Variants in APBA2 observed in about 807,000 individuals in gnomAD.
APBA2 encodes the protein amyloid-beta A4 precursor protein-binding family A member 2.
APBA2 carries 30 observed loss-of-function variants against 75.0 expected under a neutral mutation model. The ratio of observed to expected loss-of-function variants is 0.40; its 90% CI spans 0.30 to 0.54. The LOEUF is 0.54. APBA2 is among the 20% of genes least tolerant of loss of function. APBA2 has a pLI of 0.49. For missense variants in APBA2, 801 were observed against 1,016.1 expected (o/e 0.79, Z 2.88); for synonymous variants, 444 against 409.6 (o/e 1.08, Z -1.01).
chr15:28,947,446 A>G (rs1461060269), intron 2 of APBA2, among the ~76,000 whole-genome samples: 1 of 152,210 alleles, frequency 6.6e-6, no homozygotes, highest in Non-Finnish European at 1.5e-5. Context: ...CAGAGCCATC[A>G]GGGAGCCATC....
chr15:28,907,568 G>A (rs2033191928), intron 1 of APBA2, among the ~76,000 whole-genome samples: 2 of 152,250 alleles, frequency 1.3e-5, no homozygotes, highest in African/African-American at 2.4e-5. Context: ...GAAGGAATCA[G>A]GCGGGAGCCC....
intron 3 of APBA2, among the ~76,000 whole-genome samples, chr15:28,998,597 C>T (rs917562854): frequency 1.3e-5 from 2 of 152,070 alleles, no homozygotes; most frequent in Non-Finnish European, 2.9e-5. Context: ...GACCCCCAAG[C>T]AGTGAGGTTC....
chr15:28,939,646 C>T (rs140725053), intron 2 of APBA2, among the ~76,000 whole-genome samples: 1 of 152,324 alleles, frequency 6.6e-6, no homozygotes, highest in East Asian at 1.9e-4. Flanking sequence ...AGACGTCTTT[C>T]AGAGGAATGT....
chr15:28,932,475 C>T (rs1403756313), intron 2 of APBA2, among the ~76,000 whole-genome samples: 2 of 152,216 alleles, frequency 1.3e-5, no homozygotes, highest in Non-Finnish European at 2.9e-5. Context: ...GTCTCAGAGA[C>T]ACCCATGGGC....
At chr15:29,052,257 C>T (rs1022893003) in intron 3 of APBA2, among the ~76,000 whole-genome samples, 1 of 151,912 alleles carries the variant, frequency 6.6e-6, no homozygotes, top group Non-Finnish European at 1.5e-5. Context: ...AGATCGTGAC[C>T]ATCCTAGCTA....
chr15:28,969,894 G>A (rs1191463481), intron 2 of APBA2, among the ~76,000 whole-genome samples: 4 of 152,236 alleles, frequency 2.6e-5, no homozygotes, highest in African/African-American at 7.2e-5. Context: ...GCCTGCCAAG[G>A]CACTGCCAGC....
At chr15:28,909,427 G>A (rs1405952964) in intron 1 of APBA2, among the ~76,000 whole-genome samples, 2 of 152,196 alleles carry the variant, frequency 1.3e-5, no homozygotes, top group Non-Finnish European at 2.9e-5. Flanking sequence ...CTGTGTTGTA[G>A]CATGCGTCAG....
intron 1 of APBA2, among the ~76,000 whole-genome samples, chr15:28,894,717 A>G (rs997724886): frequency 6.6e-6 from 1 of 152,202 alleles, no homozygotes; most frequent in Non-Finnish European, 1.5e-5. Flanking sequence ...ATAACAACGC[A>G]TAGTTTACCA....
intron 1 of APBA2, among the ~76,000 whole-genome samples, chr15:28,887,852 A>G (rs1194138670): frequency 6.6e-6 from 1 of 152,122 alleles, no homozygotes; most frequent in African/African-American, 2.4e-5. Context: ...GGGTGATGGC[A>G]TTAGCGATGG....
At chr15:28,958,792 G>A (rs537265792) in intron 2 of APBA2, among the ~76,000 whole-genome samples, 5 of 150,434 alleles carry the variant, frequency 3.3e-5, no homozygotes, top group South Asian at 4.2e-4. Context: ...CAGGAGGGTC[G>A]TTGTTTTTAA....
intron 14 of APBA2, among the ~76,000 whole-genome samples, chr15:29,116,673 GCTC>G (rs1240658127): frequency 1.3e-5 from 2 of 151,188 alleles, no homozygotes; most frequent in African/African-American, 2.4e-5. Flanking sequence ...CCCCCATTGA[GCTC>G]CTCCTCAGTG....
At chr15:29,106,917 C>T in intron 12 of APBA2, 98 bp downstream of exon 12, 1 of 1,194,960 alleles carries the variant, frequency 8.4e-7, no homozygotes, top group Non-Finnish European at 1.2e-6. Flanking sequence ...ATCCCCACTT[C>T]ACCCATGGGG....
At chr15:28,988,268 CTTT>C (rs1450368077) in intron 2 of APBA2, among the ~76,000 whole-genome samples, 1 of 140,174 alleles carries the variant, frequency 7.1e-6, no homozygotes, top group Non-Finnish European at 1.6e-5. Context: ...TGTAGTGTGC[CTTT>C]TTTTTTTTTT....
chr15:28,978,161 C>T (rs771040994), intron 2 of APBA2, among the ~76,000 whole-genome samples: 1 of 152,236 alleles, frequency 6.6e-6, no homozygotes, highest in Non-Finnish European at 1.5e-5. Context: ...AAGATGAGGG[C>T]CCTGTCCCTC....
chr15:29,104,026 G>A (rs1414254474), intron 10 of APBA2, among the ~76,000 whole-genome samples: 3 of 152,248 alleles, frequency 2.0e-5, no homozygotes, highest in Admixed American at 6.5e-5. Context: ...CTTAGGGCCC[G>A]TCAGGGAGGG....
At chr15:29,096,083 G>A (rs1044182767) in intron 8 of APBA2, among the ~76,000 whole-genome samples, 3 of 148,204 alleles carry the variant, frequency 2.0e-5, no homozygotes, top group African/African-American at 7.5e-5. Context: ...ATTTAATTAC[G>A]GTTTGTTCTT....
At chr15:29,091,943 T>C (rs2043593655) in intron 6 of APBA2, among the ~76,000 whole-genome samples, 2 of 152,168 alleles carry the variant, frequency 1.3e-5, no homozygotes, top group South Asian at 2.1e-4. Flanking sequence ...AAATCCCCAG[T>C]GGAAGGGGCT....
At chr15:28,921,565 C>G (rs1595460728) in intron 1 of APBA2, 75 bp from the exon 2 acceptor site, 1 of 152,362 alleles carries the variant, frequency 6.6e-6, no homozygotes, top group African/African-American at 2.4e-5. Context: ...CACACCTGCC[C>G]CTCTGTGGGT....
Position 28,921,714 on chromosome 15 carries a change from A to C in APBA2, c.-130A>C, listed in dbSNP as rs1595461020. ...TAGGCCAGGACTGTCCTGTGGACAG[A>C]CGGGGTGAGCCTCTTCTTGTGTCTG... On this transcript the variant is annotated 5_prime_UTR_variant, in exon 2 of 15. Coordinates refer to ENST00000683413, the MANE Select transcript of APBA2 (RefSeq NM_001353788.2). 6.6e-6 allele frequency: 1 copy of C among 152,332 alleles called. No individual in the cohort carries two copies. The highest frequency in any genetic ancestry group is 1.9e-4 in the East Asian group (1 of 5,180). The allele number at this position is 152,332 out of a possible 1,614,324, so 9.4% of individuals were successfully genotyped here. A position where few individuals can be genotyped will look rare whatever the true frequency, so the allele number is the denominator to read the frequency against.
Sources: gnomAD v4.1 joint callset for allele counts (sites outside exome capture counted in the v4.1 genomes callset) on GRCh38, gnomAD v4.1.1 for gene constraint, MANE v1.5 for transcripts, NCBI Gene and HGNC (gene_info 2026-07-23, HGNC 2026-07-21) for gene names.